Variants in SHROOM3 observed in about 807,000 individuals in gnomAD.
SHROOM3 encodes shroom family member 3, also known as protein Shroom3.
A neutral mutation model predicts 138.6 loss-of-function variants in SHROOM3; 47 were observed. The observed-to-expected ratio is 0.34, with a 90% confidence interval of 0.27 to 0.43. The LOEUF (loss-of-function observed/expected upper bound fraction) is 0.43. Among genes scored for constraint, SHROOM3 ranks in the 20% least tolerant of loss-of-function variants. The pLI is 1.00. For synonymous variants in SHROOM3, 1,062 were observed against 1,063.3 expected, an observed-to-expected ratio of 1.00 and a Z score of 0.02; for missense variants, 2,491 against 2,596.5, an observed-to-expected ratio of 0.96 and a Z score of 0.88.
In SHROOM3 at chr4:76,770,758, C is replaced by G; in HGVS notation, c.5482C>G (p.Pro1828Ala). The G allele has an allele frequency of 6.2e-7, 1 of 1,614,160 alleles. No individual in the cohort carries two copies. Among genetic ancestry groups the G allele is most frequent in the Non-Finnish European group, 8.5e-7 (1 of 1,180,040 alleles). The change falls in exon 10 of 11, where the codon CCC (proline) becomes GCC (alanine). Residue 1828 changes from proline to alanine, a missense_variant. Around this residue, in one of 4 missense-constraint regions of SHROOM3, gnomAD observed 470 missense variants for 595.0 expected, o/e 0.79. Coordinates refer to ENST00000296043, the MANE Select transcript of SHROOM3 (RefSeq NM_020859.4). ...GGCTCTGATCAGCGAGCTCTGCAAG[C>G]CCAATGAGTTTGACAAGTATAGGAT... ...VEALISELCK[P>A]NEFDKYRMFI...
intron 2 of SHROOM3, among the ~76,000 whole-genome samples, chr4:76,696,908 C>G (rs1258426404): frequency 6.6e-6 from 1 of 151,860 alleles, no homozygotes; most frequent in African/African-American, 2.4e-5. Flanking sequence ...CAAAACTAGC[C>G]GAGAGGTTTT....
chr4:76,579,850 T>G (rs527871748), intron 2 of SHROOM3, among the ~76,000 whole-genome samples: 8 of 152,364 alleles, frequency 5.3e-5, no homozygotes, highest in Non-Finnish European at 8.8e-5. Context: ...TGATGATTTT[T>G]AATCCTAAAT....
At chr4:76,501,665 A>T (rs1419899916) in intron 1 of SHROOM3, among the ~76,000 whole-genome samples, 1 of 152,160 alleles carries the variant, frequency 6.6e-6, no homozygotes, top group Non-Finnish European at 1.5e-5. Context: ...CAGAGAAGGG[A>T]AAGGGGCTAG....
chr4:76,723,826 T>C (rs1271007379), intron 3 of SHROOM3, among the ~76,000 whole-genome samples: 1 of 152,244 alleles, frequency 6.6e-6, no homozygotes, highest in Non-Finnish European at 1.5e-5. Flanking sequence ...GTGCCTAGAA[T>C]GGTGGTTGGC....
At chr4:76,543,259 G>A (rs1166175995) in intron 1 of SHROOM3, among the ~76,000 whole-genome samples, 2 of 152,132 alleles carry the variant, frequency 1.3e-5, no homozygotes, top group Non-Finnish European at 1.5e-5. Context: ...GGCTCCCTAG[G>A]GAAGGTGATC....
chr4:76,650,055 C>A (rs1452954479), intron 2 of SHROOM3, among the ~76,000 whole-genome samples: 1 of 152,136 alleles, frequency 6.6e-6, no homozygotes, highest in Non-Finnish European at 1.5e-5. Flanking sequence ...GGTGGATGTG[C>A]TTGGAGAGAG....
chr4:76,446,012 A>G (rs1345351834), intron 1 of SHROOM3, among the ~76,000 whole-genome samples: 1 of 151,982 alleles, frequency 6.6e-6, no homozygotes, highest in Non-Finnish European at 1.5e-5. Context: ...ATAACTCTTG[A>G]TCTCTTGGGT....
intron 2 of SHROOM3, among the ~76,000 whole-genome samples, chr4:76,636,286 C>T (rs1177735963): frequency 6.6e-6 from 1 of 152,166 alleles, no homozygotes; most frequent in Non-Finnish European, 1.5e-5. Context: ...TGACAGACTT[C>T]ATGATGGAAA....
chr4:76,718,444 A>C (rs949671626), intron 3 of SHROOM3, among the ~76,000 whole-genome samples: 1 of 152,194 alleles, frequency 6.6e-6, no homozygotes, highest in Non-Finnish European at 1.5e-5. Flanking sequence ...TTTTTATTTC[A>C]GTTCCAGTAA....
At chr4:76,577,903 G>A (rs902627362) in intron 2 of SHROOM3, among the ~76,000 whole-genome samples, 6 of 152,116 alleles carry the variant, frequency 3.9e-5, no homozygotes. Flanking sequence ...AATAAAGGTA[G>A]ATAATATCTA....
At chr4:76,748,304 C>T (rs1331538851) in intron 5 of SHROOM3, among the ~76,000 whole-genome samples, 1 of 152,086 alleles carries the variant, frequency 6.6e-6, no homozygotes, top group Non-Finnish European at 1.5e-5. Flanking sequence ...TGGTTTTTGC[C>T]TGTCTCCTGT....
chr4:76,747,319 C>T (rs1721471688), intron 5 of SHROOM3, among the ~76,000 whole-genome samples: 1 of 151,918 alleles, frequency 6.6e-6, no homozygotes, highest in Non-Finnish European at 1.5e-5. Context: ...TAAGTCTTGA[C>T]AGTGAATATA....
chr4:76,615,290 G>A (rs1233227815), intron 2 of SHROOM3, among the ~76,000 whole-genome samples: 1 of 152,184 alleles, frequency 6.6e-6, no homozygotes, highest in Admixed American at 6.5e-5. Flanking sequence ...ACGCTCTCAA[G>A]TCTTAATACA....
chr4:76,665,402 C>G (rs1718663782), intron 2 of SHROOM3, among the ~76,000 whole-genome samples: 1 of 152,112 alleles, frequency 6.6e-6, no homozygotes, highest in South Asian at 2.1e-4. Flanking sequence ...GGAAGGTGTA[C>G]CAGGAAGCTG....
chr4:76,733,021 T>G (rs144102271), intron 4 of SHROOM3, among the ~76,000 whole-genome samples: 1 of 152,260 alleles, frequency 6.6e-6, no homozygotes, highest in African/African-American at 2.4e-5. Flanking sequence ...CAGCACACAC[T>G]TATAAATGCA....
chr4:76,513,020 C>G (rs1732370745), intron 1 of SHROOM3, among the ~76,000 whole-genome samples: 1 of 152,190 alleles, frequency 6.6e-6, no homozygotes, highest in Non-Finnish European at 1.5e-5. Flanking sequence ...CGTGCCATCT[C>G]AGGCCTGCCA....
rs553309619 is a variant in SHROOM3, at chr4:76,476,197, C to T, written c.168+39977C>T. On this transcript the variant is annotated intron_variant, in intron 1 of 10. Transcript: ENST00000296043. Reference sequence around the variant, plus strand: ...GGACTACAGGGAATGAATCTGGAGGCAGCAGCAATTTTTTAGAATAATTTG... The same window carrying T: ...GGACTACAGGGAATGAATCTGGAGGTAGCAGCAATTTTTTAGAATAATTTG... Among the ~76,000 whole-genome samples, 19 of 152,248 alleles carry T rather than the reference C, an allele frequency of 1.2e-4. 1 individual carries two copies. In the South Asian group the frequency reaches 3.3e-3, roughly 27 times the overall value.
chr4:76,720,301 C>T (rs1720503384), intron 3 of SHROOM3, among the ~76,000 whole-genome samples: 1 of 151,696 alleles, frequency 6.6e-6, no homozygotes, highest in African/African-American at 2.4e-5. Flanking sequence ...TGTTGAAGGA[C>T]AATGGCCACC....
intron 3 of SHROOM3, among the ~76,000 whole-genome samples, chr4:76,722,925 CTT>C (rs1720592049): frequency 6.6e-6 from 1 of 151,628 alleles, no homozygotes; most frequent in African/African-American, 2.4e-5. Context: ...AATATGGTAA[CTT>C]TTATTTTGTG....
Sources: gnomAD v4.1 joint callset for allele counts (sites outside exome capture counted in the v4.1 genomes callset) on GRCh38, gnomAD v4.1.1 for gene constraint, gnomAD v4.1.1 regional missense constraint, MANE v1.5 for transcripts, NCBI Gene and HGNC (gene_info 2026-07-23, HGNC 2026-07-21) for gene names.